The following ENKUR variants were observed in gnomAD, a reference collection of about 807,000 sequenced individuals.
The protein encoded by ENKUR is enkurin.
Under a neutral mutation model 27.6 loss-of-function variants are expected in ENKUR, and 19 were observed. That is an observed-to-expected ratio of 0.69 (90% confidence interval 0.48 to 1.01). The LOEUF (loss-of-function observed/expected upper bound fraction) is 1.01. ENKUR is among the 50% of genes least tolerant of loss of function. ENKUR has a pLI of 0.00. For synonymous variants in ENKUR, 117 were observed against 96.9 expected (o/e 1.21, Z -1.22); for missense variants, 312 against 310.5 (o/e 1.00, Z -0.04).
intron 2 of ENKUR, among the ~76,000 whole-genome samples, chr10:25,027,639 A>C (rs1850882863): frequency 6.6e-6 from 1 of 152,014 alleles, no homozygotes; most frequent in Non-Finnish European, 1.5e-5. Flanking sequence ...CTGTAATCCC[A>C]GCACTTTGGG....
rs114609981 is a variant in ENKUR, at chr10:25,029,901, A to G, written c.37+31211T>C. ...GGCAATATTTTGATCATAGTCCTAC[A>G]TCAGAAGTTGGGATTGCCTTGTAGA... On this transcript the variant is annotated intron_variant, in intron 2 of 5. Transcript: ENST00000615958. 2.1e-3 allele frequency among the ~76,000 whole-genome samples: 318 copies of G among 152,352 alleles called. 1 individual carries two copies. The highest frequency in any genetic ancestry group is 6.9e-3 in the African/African-American group (286 of 41,582).
chr10:25,036,846 C>T (rs1381200053), intron 2 of ENKUR, among the ~76,000 whole-genome samples: 1 of 152,120 alleles, frequency 6.6e-6, no homozygotes, highest in Non-Finnish European at 1.5e-5. Flanking sequence ...GATTGGAGCC[C>T]TGGACAATTG....
At chr10:25,002,283 C>T (rs760428812) in intron 1 of ENKUR, among the ~76,000 whole-genome samples, 3 of 152,192 alleles carry the variant, frequency 2.0e-5, no homozygotes, top group Non-Finnish European at 4.4e-5. Flanking sequence ...GTGCTATCAA[C>T]CAAAGACTTT....
At chr10:24,992,629 A>T (rs1010280331) in intron 3 of ENKUR, among the ~76,000 whole-genome samples, 1 of 152,210 alleles carries the variant, frequency 6.6e-6, no homozygotes, top group Admixed American at 6.5e-5. Context: ...GGGTCCTGGA[A>T]GAAGGACAAG....
intron 2 of ENKUR, among the ~76,000 whole-genome samples, chr10:25,057,740 TC>T (rs1460370672): frequency 6.6e-6 from 1 of 152,048 alleles, no homozygotes; most frequent in South Asian, 2.1e-4. Flanking sequence ...AATTTTAGTT[TC>T]CCCTTCCTCT....
chr10:25,024,945 A>G lies in ENKUR; in HGVS notation c.38-29076T>C, dbSNP rs541605318. 4.3e-6 allele frequency: 7 copies of G among 1,614,076 alleles called. No individual in the cohort carries two copies. In the South Asian group the frequency reaches 7.7e-5, roughly 18 times the overall value. On this transcript the variant is annotated intron_variant, in intron 2 of 5. Coordinates refer to the ENKUR transcript ENST00000615958. ...TTCTCAAATCTTCAAACCTAGAACG[A>G]CATTTACACTTGATGGCTAATAAAG...
upstream of ENKUR, among the ~76,000 whole-genome samples, chr10:25,017,039 GGACCGCCCCTT>G (rs1317788012): frequency 2.4e-4 from 37 of 152,268 alleles, no homozygotes; most frequent in East Asian, 7.0e-3. Flanking sequence ...CCTGCTCCCG[GGACCGCCCCTT>G]GGGCGGTCCT....
chr10:25,020,677 G>C (rs1160047570), upstream of ENKUR, among the ~76,000 whole-genome samples: 1 of 151,754 alleles, frequency 6.6e-6, no homozygotes, highest in Non-Finnish European at 1.5e-5. Flanking sequence ...GGAGGTTGAG[G>C]CTGCAGTGAG....
At chr10:25,060,208 G>A (rs562227169) in intron 2 of ENKUR, among the ~76,000 whole-genome samples, 72 of 152,264 alleles carry the variant, frequency 4.7e-4, no homozygotes, top group African/African-American at 1.6e-3. Context: ...AAGAAAACCC[G>A]AGGGTGACTC....
At chr10:24,987,770 T>G (rs1485295762) in intron 4 of ENKUR, among the ~76,000 whole-genome samples, 1 of 152,150 alleles carries the variant, frequency 6.6e-6, no homozygotes, top group African/African-American at 2.4e-5. Flanking sequence ...TCCCTATTGA[T>G]GTACTTGATA....
chr10:25,050,437 T>C (rs1028915521), intron 2 of ENKUR, among the ~76,000 whole-genome samples: 2 of 152,286 alleles, frequency 1.3e-5, no homozygotes, highest in East Asian at 1.9e-4. Context: ...AGTCACGTCT[T>C]GCATGGTGGC....
intron 2 of ENKUR, chr10:25,023,036 C>A (rs1205572843): frequency 4.0e-6 from 2 of 500,622 alleles, no homozygotes; most frequent in Non-Finnish European, 6.7e-6. Flanking sequence ...TTTTTTAATT[C>A]CATAAGTTTG....
chr10:25,020,722 C>A (rs1186530768), upstream of ENKUR, among the ~76,000 whole-genome samples: 3 of 146,518 alleles, frequency 2.0e-5, no homozygotes, highest in Non-Finnish European at 4.5e-5. Context: ...GCCTGGGTGA[C>A]AGTGGAAGAC....
intron 1 of ENKUR, among the ~76,000 whole-genome samples, chr10:25,006,981 T>C (rs1019032010): frequency 2.2e-4 from 33 of 152,326 alleles, no homozygotes; most frequent in Middle Eastern, 3.4e-3. Context: ...ACATTGAACA[T>C]ATTGCTATTA....
At chr10:24,995,919 C>G (rs766700003) in intron 2 of ENKUR, 50 bp from the exon 3 acceptor site, 2 of 1,410,766 alleles carry the variant, frequency 1.4e-6, no homozygotes, top group Non-Finnish European at 1.9e-6. Flanking sequence ...AACACTGCTA[C>G]TCAGTGCTAT....
intron 2 of ENKUR, among the ~76,000 whole-genome samples, chr10:25,044,114 T>C (rs553648835): frequency 1.3e-5 from 2 of 152,332 alleles, no homozygotes; most frequent in African/African-American, 4.8e-5. Flanking sequence ...CATTCTTCTG[T>C]TTCTTTTCAG....
In ENKUR at chr10:24,988,664, GTATATATATATATATATATATATA is replaced by G. The variant is rs66687937; in HGVS notation, c.594+1775_594+1798del. On this transcript the variant is annotated intron_variant, in intron 4 of 5. Transcript: ENST00000331161. ...GAAAATGTAGAGTGACACAGCATAT[GTATATATATATATATATATATATA>G]TATATATATATATATATATATATAT... 6.7e-3 allele frequency among the ~76,000 whole-genome samples: 660 copies of G among 98,808 alleles called. 11 individuals carry two copies. Among genetic ancestry groups the G allele is most frequent in the African/African-American group, 0.019 (544 of 28,316 alleles). The allele number at this position is 98,808 out of a possible 152,430, so 64.8% of individuals were successfully genotyped here. A position where few individuals can be genotyped will look rare whatever the true frequency, so the allele number is the denominator to read the frequency against.
In ENKUR at chr10:24,984,903, C is replaced by T. The variant is rs764736926; in HGVS notation, c.597G>A (p.Gly199=). ...GCACCTCTTCCCAGTTCTTTTTCAG[C>T]CCCTGCAAATGGTCAAGAAACTTGT... ...SDEEREAVLQ[G]LKKNWEEVHK... is the part of the protein sequence containing the mutation. The change falls in exon 5 of 6, where the codon GGG becomes GGA. Residue 199 remains glycine, a splice_region_variant and synonymous_variant. Coordinates refer to ENST00000331161, the MANE Select transcript of ENKUR (RefSeq NM_145010.4). 37 of 1,610,436 alleles carry T rather than the reference C, an allele frequency of 2.3e-5. No homozygotes were observed. Among genetic ancestry groups the T allele is most frequent in the Non-Finnish European group, 3.1e-5 (36 of 1,178,872 alleles).
chr10:25,029,430 T>C (rs1850908453), intron 2 of ENKUR, among the ~76,000 whole-genome samples: 1 of 152,210 alleles, frequency 6.6e-6, no homozygotes, highest in South Asian at 2.1e-4. Flanking sequence ...TTGTTTTGTA[T>C]GAAGTTTTAG....
Sources: allele counts gnomAD v4.1 joint callset (sites outside exome capture counted in the v4.1 genomes callset), GRCh38; gene constraint gnomAD v4.1.1; transcripts MANE v1.5; gene names NCBI Gene and HGNC (gene_info 2026-07-23, HGNC 2026-07-21).